Variants in ZNF469 observed in about 807,000 individuals in gnomAD.
ZNF469 encodes zinc finger protein 469.
In ZNF469, 1 loss-of-function variant was observed where a neutral mutation model predicts 1.0. The observed-to-expected ratio is 1.00, with a 90% CI of 0.35 to 4.73. ZNF469 has a LOEUF of 4.73. Ranked by LOEUF, ZNF469 falls within the 30% of genes most tolerant of loss-of-function variation. The probability of loss-of-function intolerance (pLI) is 0.16; values close to 1 mark genes in which losing one functional copy is unlikely to be tolerated. For synonymous variants in ZNF469, 2,703 were observed against 2,363.4 expected, an observed-to-expected ratio of 1.14 and a Z score of -4.17; for missense variants, 6,100 against 5,356.3, an observed-to-expected ratio of 1.14 and a Z score of -4.33.
the ZNF469 span, among the ~76,000 whole-genome samples, chr16:88,286,181 C>T: frequency 6.6e-6 from 1 of 152,234 alleles, no homozygotes; most frequent in African/African-American, 2.4e-5. Flanking sequence ...GGATGAGTTT[C>T]TCAAAGTCAC....
At chr16:88,161,463 T>G in the ZNF469 span, among the ~76,000 whole-genome samples, 1 of 152,198 alleles carries the variant, frequency 6.6e-6, no homozygotes, top group Non-Finnish European at 1.5e-5. Flanking sequence ...AGCATGTGTG[T>G]GAGAAAACTG....
chr16:88,213,321 G>A, the ZNF469 span, among the ~76,000 whole-genome samples: 3 of 152,034 alleles, frequency 2.0e-5, no homozygotes, highest in African/African-American at 4.8e-5. Flanking sequence ...GGATGGTCTC[G>A]ATCTCCTGAC....
chr16:88,371,240 C>T, the ZNF469 span, among the ~76,000 whole-genome samples: 3 of 152,256 alleles, frequency 2.0e-5, no homozygotes, highest in East Asian at 1.9e-4. Flanking sequence ...TCTTCTGAGA[C>T]AGGAAGAGGA....
At chr16:88,417,803 TG>T (rs1262494682) in intron 1 of ZNF469, among the ~76,000 whole-genome samples, 1 of 152,146 alleles carries the variant, frequency 6.6e-6, no homozygotes, top group African/African-American at 2.4e-5. Context: ...CCTATAGAAA[TG>T]AGGCCCCAAA....
At chr16:88,308,701 C>T in the ZNF469 span, among the ~76,000 whole-genome samples, 162 of 152,320 alleles carry the variant, frequency 1.1e-3, 2 homozygotes, top group Non-Finnish European at 1.1e-3. Context: ...ACCCCACCTC[C>T]ATGAGGTCCA....
the ZNF469 span, among the ~76,000 whole-genome samples, chr16:88,319,835 A>G: frequency 1.3e-5 from 2 of 152,126 alleles, no homozygotes; most frequent in African/African-American, 4.8e-5. Flanking sequence ...ACTCTGGTGG[A>G]GACCAAGCTG....
At chr16:88,201,295 T>C in the ZNF469 span, among the ~76,000 whole-genome samples, 15 of 152,232 alleles carry the variant, frequency 9.9e-5, no homozygotes, top group African/African-American at 3.6e-4. This position sits in a 1 kb window ranked among gnomAD's most constrained non-coding sequence, Gnocchi z 5.0. Flanking sequence ...GGCTCACGCC[T>C]GTAATCCCAG....
the ZNF469 span, among the ~76,000 whole-genome samples, chr16:88,300,987 C>T: frequency 3.3e-5 from 5 of 151,916 alleles, no homozygotes; most frequent in African/African-American, 1.2e-4. Flanking sequence ...ATCCATTGAA[C>T]CTGTGAGGCA....
chr16:88,143,365 C>T, the ZNF469 span, among the ~76,000 whole-genome samples: 6,579 of 152,228 alleles, frequency 0.043, 270 homozygotes, highest in East Asian at 0.19. Flanking sequence ...CGGGGTGGAG[C>T]GCCTAGCGGG....
At chr16:88,334,311 A>G in the ZNF469 span, among the ~76,000 whole-genome samples, 1 of 152,272 alleles carries the variant, frequency 6.6e-6, no homozygotes, top group East Asian at 1.9e-4. Flanking sequence ...ATGGTAAAAA[A>G]CAACAACAAC....
At chr16:88,390,779 G>A (rs1045319636) in intron 1 of ZNF469, among the ~76,000 whole-genome samples, 1 of 152,328 alleles carries the variant, frequency 6.6e-6, no homozygotes, top group East Asian at 1.9e-4. Flanking sequence ...GGTTTTGAAC[G>A]GTGACTGGGA....
the ZNF469 span, among the ~76,000 whole-genome samples, chr16:88,112,162 G>A: frequency 6.6e-6 from 1 of 151,556 alleles, no homozygotes; most frequent in African/African-American, 2.4e-5. Flanking sequence ...GTGCCGGCCA[G>A]GCGCGTTGGC....
chr16:88,436,023 C>T lies in ZNF469; in HGVS notation c.8553C>T (p.Ser2851=). 6.5e-7 allele frequency: 1 copy of T among 1,550,312 alleles called. No individual in the cohort carries two copies. The highest frequency in any genetic ancestry group is 8.7e-7 in the Non-Finnish European group (1 of 1,146,998). Residue 2851 remains serine (S), a synonymous_variant, in exon 3 of 3, where the codon AGC becomes AGT. Transcript: ENST00000565624. ...GCTCCAGTGCCAAGGATCCTCCAAG[C>T]TTGTTTGATGATGAGGTCTCTTTCT... is the stretch of plus-strand genomic sequence containing the variant. ...ASGSSAKDPP[S]LFDDEVSFSQ...
the ZNF469 span, among the ~76,000 whole-genome samples, chr16:88,132,428 G>A: frequency 3.3e-5 from 5 of 152,230 alleles, no homozygotes; most frequent in African/African-American, 9.6e-5. Context: ...CGTAGCCGGC[G>A]GGGCTGGATC....
At chr16:88,380,134 GAC>G (rs1171410398), upstream of ZNF469, among the ~76,000 whole-genome samples, 8 of 89,204 alleles carry the variant, frequency 9.0e-5, no homozygotes, top group South Asian at 3.9e-4. Context: ...CACACACACA[GAC>G]ACACACTCAC....
chr16:88,163,554 A>T, the ZNF469 span, among the ~76,000 whole-genome samples: 2 of 141,682 alleles, frequency 1.4e-5, no homozygotes, highest in Non-Finnish European at 3.1e-5. Flanking sequence ...AAGTGGGCAG[A>T]TGAGTGGGTG....
upstream of ZNF469, among the ~76,000 whole-genome samples, chr16:88,381,322 A>AC: frequency 6.7e-6 from 1 of 148,238 alleles, no homozygotes; most frequent in East Asian, 2.0e-4. Flanking sequence ...ACTCACACAC[A>AC]GAGACATGCA....
chr16:88,411,535 T>TGCAAGCAGGCA (rs1264664849), intron 1 of ZNF469, among the ~76,000 whole-genome samples: 2 of 132,020 alleles, frequency 1.5e-5, no homozygotes, highest in Admixed American at 7.7e-5. Flanking sequence ...CGGGCAGGGG[T>TGCAAGCAGGCA]GGGTGTGAGC....
At chr16:88,347,255 C>G in the ZNF469 span, among the ~76,000 whole-genome samples, 1 of 152,154 alleles carries the variant, frequency 6.6e-6, no homozygotes, top group African/African-American at 2.4e-5. Context: ...TACATTCGAT[C>G]CCCCAAAAGA....
Sources: gnomAD v4.1 joint callset for allele counts (sites outside exome capture counted in the v4.1 genomes callset) on GRCh38, gnomAD v4.1.1 for gene constraint, Gnocchi (gnomAD v3.1) non-coding constraint, MANE v1.5 for transcripts, NCBI Gene and HGNC (gene_info 2026-07-23, HGNC 2026-07-21) for gene names.